The following CLASP1 variants were observed in gnomAD, a reference collection of about 807,000 sequenced individuals.
CLASP1 encodes cytoplasmic linker associated protein 1.
CLASP1 carries 38 observed loss-of-function variants against 192.3 expected under a neutral mutation model. That is an observed-to-expected ratio of 0.20 (90% CI 0.15 to 0.26). The LOEUF is 0.26. CLASP1 is among the 10% of genes least tolerant of loss of function. CLASP1 has a pLI of 1.00. For synonymous variants in CLASP1, 691 were observed against 712.8 expected, an observed-to-expected ratio of 0.97 and a Z score of 0.49; for missense variants, 1,433 against 1,932.5, an observed-to-expected ratio of 0.74 and a Z score of 4.85.
At chr2:121,634,890 A>G (rs570423023) in intron 1 of CLASP1, among the ~76,000 whole-genome samples, 62 of 152,340 alleles carry the variant, frequency 4.1e-4, no homozygotes, top group African/African-American at 1.1e-3. Context: ...TATGCACAAA[A>G]GTAGAACAAT....
In CLASP1 at chr2:121,404,354, C is replaced by A. The variant is rs2076598747; in HGVS notation, c.2733+17G>T. On this transcript the variant is annotated intron_variant, in intron 26 of 39. Transcript: ENST00000263710. ...CATGCAGGGGTAAAGACAGGGCAGGCATGACTTCAGACTTACCTTGCTATG... is the reference window on the plus strand; with the variant it reads ...CATGCAGGGGTAAAGACAGGGCAGGAATGACTTCAGACTTACCTTGCTATG... The A allele has an allele frequency of 6.2e-7, 1 of 1,609,856 alleles. No homozygotes were observed. The highest frequency in any genetic ancestry group is 8.5e-7 in the Non-Finnish European group (1 of 1,178,226).
At chr2:121,429,635 T>C (rs1449463405) in intron 20 of CLASP1, among the ~76,000 whole-genome samples, 3 of 152,126 alleles carry the variant, frequency 2.0e-5, no homozygotes, top group Non-Finnish European at 4.4e-5. Flanking sequence ...GCTGCAAATG[T>C]TAGAGCACAG....
intron 2 of CLASP1, chr2:121,531,060 T>C (rs546458267): frequency 2.3e-5 from 16 of 696,316 alleles, no homozygotes; most frequent in South Asian, 5.9e-5. Flanking sequence ...AATTCGTAAA[T>C]AAACTAGTAC....
exon 40 of CLASP1, chr2:121,338,819 T>G (rs1289064378): frequency 6.6e-6 from 1 of 152,084 alleles, no homozygotes; most frequent in Non-Finnish European, 1.5e-5. Context: ...GTCAAAGAGC[T>G]CAAGGAGAAA....
intron 2 of CLASP1, among the ~76,000 whole-genome samples, chr2:121,533,258 CAGG>C (rs1210754908): frequency 1.3e-5 from 2 of 152,138 alleles, no homozygotes; most frequent in Non-Finnish European, 2.9e-5. Flanking sequence ...GGGTGTCAGC[CAGG>C]AGGACAGAAG....
At chr2:121,616,697 C>T (rs547705200) in intron 1 of CLASP1, among the ~76,000 whole-genome samples, 19 of 152,288 alleles carry the variant, frequency 1.2e-4, no homozygotes, top group African/African-American at 3.6e-4. Context: ...CGAAGAAAGA[C>T]GCGCTGCCAT....
At chr2:121,503,844 AACC>A (rs2093844382) in intron 7 of CLASP1, 1 of 152,208 alleles carries the variant, frequency 6.6e-6, no homozygotes, top group Non-Finnish European at 1.5e-5. Context: ...AAAATTCCTT[AACC>A]AGTCTAAATA....
intron 8 of CLASP1, among the ~76,000 whole-genome samples, chr2:121,482,770 A>G (rs2092690138): frequency 6.6e-6 from 1 of 152,178 alleles, no homozygotes; most frequent in African/African-American, 2.4e-5. Context: ...TCAATTCTCC[A>G]TAGAAACGTC....
At chr2:121,386,982 T>C (rs1227781278) in intron 32 of CLASP1, 140 bp downstream of exon 33, 2 of 692,504 alleles carry the variant, frequency 2.9e-6, no homozygotes, top group Non-Finnish European at 5.1e-6. Context: ...ACAATTTGAG[T>C]GAGGACTAGA....
chr2:121,573,054 G>T (rs2060129189), intron 2 of CLASP1, among the ~76,000 whole-genome samples: 1 of 152,130 alleles, frequency 6.6e-6, no homozygotes, highest in African/African-American at 2.4e-5. Flanking sequence ...CCACCTCCCG[G>T]GTTCAAGCAA....
intron 23 of CLASP1, among the ~76,000 whole-genome samples, chr2:121,412,757 T>C (rs2077930398): frequency 6.6e-6 from 1 of 152,204 alleles, no homozygotes; most frequent in African/African-American, 2.4e-5. Flanking sequence ...TTGATATATA[T>C]CACAGACAAT....
chr2:121,347,897 C>T (rs1465156142), intron 38 of CLASP1, among the ~76,000 whole-genome samples: 1 of 152,176 alleles, frequency 6.6e-6, no homozygotes, highest in African/African-American at 2.4e-5. Context: ...GAAACTCCCT[C>T]GCCAAGGGCC....
At chr2:121,341,071 T>C (rs2149075386) in intron 39 of CLASP1, 124 bp from the exon 41 acceptor site, 1 of 688,926 alleles carries the variant, frequency 1.5e-6, no homozygotes, top group East Asian at 2.7e-5. Flanking sequence ...GGTTGAGGAA[T>C]TCATTATAAA....
chr2:121,426,139 T>C (rs1158208513), intron 21 of CLASP1, among the ~76,000 whole-genome samples: 2 of 152,118 alleles, frequency 1.3e-5, no homozygotes, highest in Non-Finnish European at 2.9e-5. Context: ...AGCAAGACCC[T>C]GTCTCTTAAA....
intron 1 of CLASP1, among the ~76,000 whole-genome samples, chr2:121,643,827 T>C (rs1174707513): frequency 2.0e-5 from 3 of 152,334 alleles, no homozygotes; most frequent in East Asian, 3.9e-4. Flanking sequence ...ATATCACGAA[T>C]GTAAAGTGCA....
intron 2 of CLASP1, among the ~76,000 whole-genome samples, chr2:121,543,254 C>T (rs1285888720): frequency 1.3e-5 from 2 of 152,078 alleles, no homozygotes; most frequent in Non-Finnish European, 2.9e-5. Flanking sequence ...GCTCCAGTCA[C>T]TTGATAACAT....
intron 8 of CLASP1, among the ~76,000 whole-genome samples, chr2:121,483,682 T>C (rs1231836999): frequency 2.6e-5 from 4 of 152,088 alleles, no homozygotes; most frequent in African/African-American, 9.7e-5. Flanking sequence ...ATCTAAATAA[T>C]TCCAGTCCTA....
chr2:121,356,538 G>A (rs976109400), intron 37 of CLASP1, among the ~76,000 whole-genome samples: 1 of 152,198 alleles, frequency 6.6e-6, no homozygotes, highest in African/African-American at 2.4e-5. Flanking sequence ...CGAGCTTGGG[G>A]TAAATTTCTT....
intron 32 of CLASP1, 51 bp from the exon 34 acceptor site, chr2:121,382,375 G>T: frequency 8.6e-7 from 1 of 1,163,802 alleles, no homozygotes; most frequent in South Asian, 1.6e-5. Flanking sequence ...AAAAGCAAAG[G>T]GGAGGGGAGG....
Sources: allele counts gnomAD v4.1 joint callset (sites outside exome capture counted in the v4.1 genomes callset), GRCh38; gene constraint gnomAD v4.1.1; transcripts MANE v1.5; gene names NCBI Gene and HGNC (gene_info 2026-07-23, HGNC 2026-07-21).